Variants in CNTNAP2 observed in about 807,000 individuals in gnomAD.
CNTNAP2 encodes the protein contactin associated protein 2, also known as contactin-associated protein-like 2.
CNTNAP2 carries 98 observed loss-of-function variants against 155.2 expected under a neutral mutation model. That is an observed-to-expected ratio of 0.63 (90% CI 0.54 to 0.75). CNTNAP2 has a LOEUF of 0.75. CNTNAP2 is among the 30% of genes least tolerant of loss of function. The probability of loss-of-function intolerance (pLI) is 0.00; values close to 1 mark genes in which losing one functional copy is unlikely to be tolerated. For synonymous variants in CNTNAP2, 651 were observed against 631.2 expected (o/e 1.03, Z -0.47); for missense variants, 1,727 against 1,688.1 (o/e 1.02, Z -0.40).
At chr7:146,857,298 T>A (rs1308442571) in intron 3 of CNTNAP2, among the ~76,000 whole-genome samples, 1 of 152,060 alleles carries the variant, frequency 6.6e-6, no homozygotes, top group Non-Finnish European at 1.5e-5. Context: ...AAAGGACAAG[T>A]GTTCCTTATA....
At chr7:147,455,676 G>A (rs1218413778) in intron 10 of CNTNAP2, among the ~76,000 whole-genome samples, 6 of 151,762 alleles carry the variant, frequency 4.0e-5, no homozygotes, top group African/African-American at 1.2e-4. Flanking sequence ...GAAAAATCTG[G>A]CAAAGAATTT....
chr7:147,004,248 A>G (rs946490733), intron 3 of CNTNAP2, among the ~76,000 whole-genome samples: 19 of 151,362 alleles, frequency 1.3e-4, no homozygotes, highest in Admixed American at 1.2e-3. Flanking sequence ...AACGGTAACA[A>G]AAATAACAAG....
At chr7:146,812,132 C>T (rs1014696848) in intron 2 of CNTNAP2, among the ~76,000 whole-genome samples, 2 of 151,990 alleles carry the variant, frequency 1.3e-5, no homozygotes, top group African/African-American at 4.8e-5. Flanking sequence ...ACAGACAGAG[C>T]TTGGAACAGT....
At chr7:146,908,242 C>G (rs1262815344) in intron 3 of CNTNAP2, among the ~76,000 whole-genome samples, 3 of 151,836 alleles carry the variant, frequency 2.0e-5, no homozygotes, top group Admixed American at 1.3e-4. Flanking sequence ...GACAGATCAA[C>G]GAGACAGAAA....
intron 8 of CNTNAP2, among the ~76,000 whole-genome samples, chr7:147,169,156 G>A (rs191594798): frequency 2.9e-3 from 445 of 152,124 alleles, no homozygotes; most frequent in Non-Finnish European, 4.5e-3. Flanking sequence ...TTATCTATAC[G>A]ACTCTAATGA....
intron 21 of CNTNAP2, among the ~76,000 whole-genome samples, chr7:148,345,149 G>A (rs955624792): frequency 6.6e-6 from 1 of 152,172 alleles, no homozygotes; most frequent in African/African-American, 2.4e-5. Context: ...GACTTAGGGA[G>A]GTGGGGACCC....
chr7:146,935,145 GA>G (rs1360973422), intron 3 of CNTNAP2, among the ~76,000 whole-genome samples: 1 of 152,164 alleles, frequency 6.6e-6, no homozygotes, highest in African/African-American at 2.4e-5. Context: ...TTTCTCCTCA[GA>G]AGAAGATGGC....
intron 1 of CNTNAP2, among the ~76,000 whole-genome samples, chr7:146,128,886 C>G (rs1203646627): frequency 1.3e-5 from 2 of 148,366 alleles, no homozygotes; most frequent in Non-Finnish European, 3.0e-5. Flanking sequence ...GAAAAAAAAA[C>G]TGCCTTAAAA....
intron 1 of CNTNAP2, among the ~76,000 whole-genome samples, chr7:146,554,227 A>T (rs1798163450): frequency 6.6e-6 from 1 of 152,100 alleles, no homozygotes; most frequent in Non-Finnish European, 1.5e-5. Context: ...CTTTAACTTG[A>T]ACTAGTGAGA....
chr7:146,157,008 T>A, intron 1 of CNTNAP2, among the ~76,000 whole-genome samples: 1 of 152,198 alleles, frequency 6.6e-6, no homozygotes, highest in East Asian at 1.9e-4. Context: ...ACAGACAGGT[T>A]GGAGGTAACA....
chr7:147,734,925 T>C lies in CNTNAP2; in HGVS notation c.2098+95619T>C, dbSNP rs181067623. ...TCTCTCTTTTCTTCTTTATTAGTCTTGCTAGCGGTCTATCAATATTGTTGA... is the reference window on the plus strand; with the variant it reads ...TCTCTCTTTTCTTCTTTATTAGTCTCGCTAGCGGTCTATCAATATTGTTGA... On this transcript the variant is annotated intron_variant, in intron 13 of 23. Transcript: ENST00000361727. 2.6e-5 allele frequency among the ~76,000 whole-genome samples: 4 copies of C among 152,246 alleles called. No individual in the cohort carries two copies. The East Asian group carries it at 7.7e-4, about 29-fold the overall frequency.
intron 12 of CNTNAP2, among the ~76,000 whole-genome samples, chr7:147,595,449 T>C (rs981157779): frequency 3.9e-5 from 6 of 152,226 alleles, no homozygotes; most frequent in Non-Finnish European, 7.3e-5. Flanking sequence ...CTATCCAACA[T>C]GTAACTCATA....
chr7:146,853,913 C>T (rs577563436), intron 3 of CNTNAP2, among the ~76,000 whole-genome samples: 2 of 152,078 alleles, frequency 1.3e-5, no homozygotes, highest in African/African-American at 4.8e-5. Flanking sequence ...TGTTTATTAT[C>T]TTAATTTATA....
At chr7:148,289,090 G>T (rs1302666513) in intron 21 of CNTNAP2, among the ~76,000 whole-genome samples, 3 of 152,104 alleles carry the variant, frequency 2.0e-5, no homozygotes, top group Non-Finnish European at 4.4e-5. Flanking sequence ...TTCCAAAGGT[G>T]CAGGTTTTGT....
At position 147,147,970 on chromosome 7, in the gene CNTNAP2, T is replaced by C. The variant is rs563874233; in HGVS notation, c.1348+15461T>C. Among the ~76,000 whole-genome samples, 5 of 152,304 alleles carry C rather than the reference T, an allele frequency of 3.3e-5. No individual in the cohort carries two copies. In the East Asian group the frequency reaches 9.7e-4, roughly 29 times the overall value. On this transcript the variant is annotated intron_variant, in intron 8 of 23. Coordinates refer to ENST00000361727, the MANE Select transcript of CNTNAP2 (RefSeq NM_014141.6). ...ACACACACACACCCCACAGAGTCTT[T>C]CATTTTGGGTACATAATATATTAAG...
intron 1 of CNTNAP2, among the ~76,000 whole-genome samples, chr7:146,721,895 T>G (rs1478639222): frequency 1.1e-5 from 1 of 94,750 alleles, no homozygotes. Context: ...ATATATTTTT[T>G]TTTTTTTTTT....
intron 1 of CNTNAP2, among the ~76,000 whole-genome samples, chr7:146,695,567 T>G (rs2129172312): frequency 6.6e-6 from 1 of 152,002 alleles, no homozygotes; most frequent in African/African-American, 2.4e-5. Context: ...CACACTACCA[T>G]GCCCAACTAT....
intron 10 of CNTNAP2, among the ~76,000 whole-genome samples, chr7:147,443,148 G>A (rs544166256): frequency 1.2e-4 from 18 of 152,238 alleles, no homozygotes; most frequent in African/African-American, 4.3e-4. Flanking sequence ...CCGGGCCTCA[G>A]GGCACTTTAG....
intron 21 of CNTNAP2, among the ~76,000 whole-genome samples, chr7:148,305,844 G>A (rs138936647): frequency 6.6e-6 from 1 of 152,210 alleles, no homozygotes; most frequent in Non-Finnish European, 1.5e-5. Context: ...GGGACACAGA[G>A]CCAAGCCGTA....
Sources: gnomAD v4.1 joint callset for allele counts (sites outside exome capture counted in the v4.1 genomes callset) on GRCh38, gnomAD v4.1.1 for gene constraint, MANE v1.5 for transcripts, NCBI Gene and HGNC (gene_info 2026-07-23, HGNC 2026-07-21) for gene names.